CTNNA3: variants seen among roughly 807,000 people sequenced by gnomAD.
The protein encoded by CTNNA3 is catenin alpha-3.
CTNNA3 carries 76 observed loss-of-function variants against 95.7 expected under a neutral mutation model. That is an observed-to-expected ratio of 0.79 (90% CI 0.66 to 0.96). The LOEUF is 0.96. Ranked by LOEUF, CTNNA3 falls within the 40% of genes least tolerant of loss-of-function variation. CTNNA3 has a pLI of 0.00. For missense variants in CTNNA3, 1,191 were observed against 1,089.8 expected (o/e 1.09, Z -1.31); for synonymous variants, 431 against 374.4 (o/e 1.15, Z -1.74).
At chr10:66,842,394 C>T (rs540171487) in intron 7 of CTNNA3, among the ~76,000 whole-genome samples, 113 of 152,218 alleles carry the variant, frequency 7.4e-4, no homozygotes, top group African/African-American at 2.6e-3. Context: ...CAGGAAGAAA[C>T]CAATCTGAAA....
rs1212195998 is a variant in CTNNA3, at chr10:65,917,281, T to C, written c.*3049A>G. The C allele has an allele frequency of 1.3e-5, 2 of 152,174 alleles. No homozygotes were observed. Among genetic ancestry groups the C allele is most frequent in the Non-Finnish European group, 2.9e-5 (2 of 68,028 alleles). The allele number at this position is 152,174 out of a possible 1,614,324, so 9.4% of individuals were successfully genotyped here. ...TGAACAAATTAGCTTAGAAATTTAG[T>C]GTTTGAGTTTTTTCTTGACTCATTC... On this transcript the variant is annotated 3_prime_UTR_variant, in exon 18 of 18. Coordinates refer to ENST00000433211, the MANE Select transcript of CTNNA3 (RefSeq NM_013266.4).
chr10:67,439,933 C>A (rs532138101), intron 5 of CTNNA3, among the ~76,000 whole-genome samples: 20 of 152,284 alleles, frequency 1.3e-4, no homozygotes, highest in African/African-American at 4.1e-4. Context: ...GTGAAAAATT[C>A]TTTCTGCCTG....
At chr10:66,570,138 C>A (rs188098800) in intron 10 of CTNNA3, among the ~76,000 whole-genome samples, 1 of 152,170 alleles carries the variant, frequency 6.6e-6, no homozygotes, top group East Asian at 1.9e-4. Flanking sequence ...CCAATGGACC[C>A]TTTTAGGGAT....
At position 67,607,063 on chromosome 10, in the gene CTNNA3, A is replaced by C. The variant is rs753455494; in HGVS notation, c.100-14T>G. 1.9e-6 allele frequency: 3 copies of C among 1,590,968 alleles called. No homozygotes were observed. In the East Asian group the frequency reaches 6.7e-5, roughly 36 times the overall value. ...AAGTGTGGTAACCTAAAATTGGAAA[A>C]ATACAAAGTACTAAATTGACAAATT... is the stretch of plus-strand genomic sequence containing the variant. On this transcript the variant is annotated splice_polypyrimidine_tract_variant and intron_variant, in intron 2 of 17. Transcript: ENST00000433211.
At chr10:67,074,034 C>CTTTTTTT (rs35411851) in intron 7 of CTNNA3, among the ~76,000 whole-genome samples, 15 of 109,452 alleles carry the variant, frequency 1.4e-4, no homozygotes, top group South Asian at 7.0e-4. Context: ...CATTTTAACT[C>CTTTTTTT]TTTTTTTTTT....
At chr10:67,644,596 A>G (rs1839646677) in intron 2 of CTNNA3, among the ~76,000 whole-genome samples, 1 of 152,066 alleles carries the variant, frequency 6.6e-6, no homozygotes, top group Non-Finnish European at 1.5e-5. Context: ...CATCAAATCC[A>G]GAAAGATCAG....
chr10:66,288,862 T>TG (rs1390134628), intron 12 of CTNNA3, among the ~76,000 whole-genome samples: 6 of 151,144 alleles, frequency 4.0e-5, no homozygotes, highest in African/African-American at 1.5e-4. Flanking sequence ...CAAAATGCCC[T>TG]GGGCTATTGC....
intron 9 of CTNNA3, among the ~76,000 whole-genome samples, chr10:66,681,179 AG>A (rs1394353043): frequency 1.3e-5 from 2 of 152,192 alleles, no homozygotes; most frequent in African/African-American, 4.8e-5. Flanking sequence ...GCTTTCTAGA[AG>A]AATTACCCAT....
chr10:66,895,054 C>CAAAAAAAAAAAAAAAA (rs537843933), intron 7 of CTNNA3, among the ~76,000 whole-genome samples: 2 of 115,582 alleles, frequency 1.7e-5, no homozygotes, highest in Non-Finnish European at 3.4e-5. Flanking sequence ...AACAAATAAA[C>CAAAAAAAAAAAAAAAA]AAAAAAAAAA....
At chr10:66,013,528 T>C (rs1449054401) in intron 15 of CTNNA3, among the ~76,000 whole-genome samples, 1 of 152,174 alleles carries the variant, frequency 6.6e-6, no homozygotes, top group African/African-American at 2.4e-5. Flanking sequence ...CATACACACA[T>C]CACACACTAG....
chr10:67,461,866 A>G lies in CTNNA3; in HGVS notation c.579+59976T>C, dbSNP rs545417056. On this transcript the variant is annotated intron_variant, in intron 5 of 17. Coordinates refer to ENST00000433211, the MANE Select transcript of CTNNA3 (RefSeq NM_013266.4). ...AGGAGATGGCCAGTCCTAGAAAGAG[A>G]AGCTCTGATTAACCTTTCATTATTT... 5.9e-5 allele frequency among the ~76,000 whole-genome samples: 9 copies of G among 152,308 alleles called. No homozygotes were observed. The East Asian group carries it at 9.6e-4, about 16-fold the overall frequency.
chr10:66,466,176 A>C (rs1838903647), intron 11 of CTNNA3, among the ~76,000 whole-genome samples: 1 of 151,986 alleles, frequency 6.6e-6, no homozygotes, highest in Non-Finnish European at 1.5e-5. Flanking sequence ...CTGCCTTCAC[A>C]CTGGAGCTGC....
At chr10:66,581,805 G>C (rs1283813241) in intron 10 of CTNNA3, among the ~76,000 whole-genome samples, 1 of 151,350 alleles carries the variant, frequency 6.6e-6, no homozygotes, top group South Asian at 2.1e-4. Context: ...TAGGTCTTTA[G>C]TCAAGGTAAA....
chr10:66,595,405 G>A (rs12416067), intron 10 of CTNNA3, among the ~76,000 whole-genome samples: 7,344 of 151,708 alleles, frequency 0.048, 592 homozygotes, highest in East Asian at 0.26. Context: ...GTGCAGTGGC[G>A]CGTTCTTGGC....
At chr10:66,342,856 G>T (rs1340177284) in intron 12 of CTNNA3, among the ~76,000 whole-genome samples, 1 of 151,822 alleles carries the variant, frequency 6.6e-6, no homozygotes, top group African/African-American at 2.4e-5. Flanking sequence ...CGTATTATTT[G>T]TTCAATGACA....
At chr10:66,245,160 T>A (rs1250150633) in intron 13 of CTNNA3, among the ~76,000 whole-genome samples, 1 of 152,136 alleles carries the variant, frequency 6.6e-6, no homozygotes, top group African/African-American at 2.4e-5. Flanking sequence ...CACTGCTCAG[T>A]CAGACATGCC....
intron 9 of CTNNA3, among the ~76,000 whole-genome samples, chr10:66,653,467 G>T (rs561699690): frequency 9.2e-5 from 14 of 152,128 alleles, no homozygotes; most frequent in African/African-American, 3.4e-4. Context: ...GAAGACACAA[G>T]TAGAGTTATC....
intron 15 of CTNNA3, among the ~76,000 whole-genome samples, chr10:66,061,700 C>T (rs2080202915): frequency 6.6e-6 from 1 of 151,916 alleles, no homozygotes; most frequent in South Asian, 2.1e-4. Context: ...TGACTCATTC[C>T]TACCTGCTGG....
At chr10:66,448,951 T>C (rs920551729) in intron 11 of CTNNA3, among the ~76,000 whole-genome samples, 10 of 152,198 alleles carry the variant, frequency 6.6e-5, no homozygotes, top group East Asian at 3.9e-4. Context: ...TCAGATGAGA[T>C]TGGCTAAGAG....
Sources: gnomAD v4.1 joint callset for allele counts (sites outside exome capture counted in the v4.1 genomes callset) on GRCh38, gnomAD v4.1.1 for gene constraint, MANE v1.5 for transcripts, NCBI Gene and HGNC (gene_info 2026-07-23, HGNC 2026-07-21) for gene names.